The following CDH4 variants were observed in gnomAD, a reference collection of about 807,000 sequenced individuals.
The protein encoded by CDH4 is cadherin 4, also known as cadherin-4.
A neutral mutation model predicts 86.0 loss-of-function variants in CDH4; 33 were observed. That is an observed-to-expected ratio of 0.38 (90% CI 0.29 to 0.51). CDH4 has a LOEUF of 0.51. CDH4 is among the 20% of genes least tolerant of loss of function. CDH4 has a pLI of 0.86. For synonymous variants in CDH4, 555 were observed against 549.4 expected, an observed-to-expected ratio of 1.01 and a Z score of -0.14; for missense variants, 1,114 against 1,307.4, an observed-to-expected ratio of 0.85 and a Z score of 2.28.
chr20:61,931,427 C>T lies in CDH4; in HGVS notation c.2240-1558C>T, dbSNP rs118099918. Reference sequence around the variant, plus strand: ...CAGAGCTCCTCCCAAGCCTCCACTCCGCTTCGGAATCCTCCTCACGACATC... The same window carrying T: ...CAGAGCTCCTCCCAAGCCTCCACTCTGCTTCGGAATCCTCCTCACGACATC... On this transcript the variant is annotated intron_variant, in intron 13 of 15. Transcript: ENST00000614565. 6.7e-3 allele frequency among the ~76,000 whole-genome samples: 1,027 copies of T among 152,356 alleles called. 7 individuals are homozygous for T. The highest frequency in any genetic ancestry group is 0.017 in the Middle Eastern group (5 of 294).
At chr20:61,866,438 C>T (rs913064851) in intron 6 of CDH4, among the ~76,000 whole-genome samples, 4 of 152,170 alleles carry the variant, frequency 2.6e-5, no homozygotes, top group East Asian at 1.9e-4. Flanking sequence ...CCCCTCCCCC[C>T]GGAGGCCATG....
intron 4 of CDH4, among the ~76,000 whole-genome samples, chr20:61,805,486 C>T (rs1048592382): frequency 1.3e-5 from 2 of 152,202 alleles, no homozygotes; most frequent in Non-Finnish European, 2.9e-5. Context: ...ACAACCTTTC[C>T]GGGATCCAGA....
chr20:61,339,233 A>G (rs913567412), intron 2 of CDH4, among the ~76,000 whole-genome samples: 5 of 152,198 alleles, frequency 3.3e-5, no homozygotes, highest in Admixed American at 2.0e-4. Flanking sequence ...AACAGAGAGG[A>G]CACATAGACC....
At chr20:61,457,070 TG>T (rs2145553722) in intron 2 of CDH4, among the ~76,000 whole-genome samples, 1 of 152,290 alleles carries the variant, frequency 6.6e-6, no homozygotes, top group South Asian at 2.1e-4. Context: ...AGAGCAAACC[TG>T]TGTTTACAGC....
intron 2 of CDH4, among the ~76,000 whole-genome samples, chr20:61,702,663 A>G (rs2087789337): frequency 6.6e-6 from 1 of 152,216 alleles, no homozygotes; most frequent in African/African-American, 2.4e-5. Context: ...TATGCATCTT[A>G]AAATCACAAA....
intron 2 of CDH4, among the ~76,000 whole-genome samples, chr20:61,737,994 CG>C (rs1281375182): frequency 6.6e-6 from 1 of 152,190 alleles, no homozygotes; most frequent in Non-Finnish European, 1.5e-5. Flanking sequence ...GCGCATGCAG[CG>C]GGTGCTGGGA....
chr20:61,874,561 G>A lies in CDH4; in HGVS notation c.1050+661G>A, dbSNP rs982991816. On this transcript the variant is annotated intron_variant, in intron 7 of 15. Transcript: ENST00000614565. ...GAGGCCCTGGGCGGTGGGTGAGGTC[G>A]GGGGCCTGCCTCTGCTCTGAAGCTT... 1.2e-4 allele frequency among the ~76,000 whole-genome samples: 19 copies of A among 152,284 alleles called. 1 individual carries two copies. Among genetic ancestry groups the A allele is most frequent in the Admixed American group, 9.2e-4 (14 of 15,298 alleles).
At chr20:61,832,868 C>T (rs1981690772) in intron 4 of CDH4, among the ~76,000 whole-genome samples, 1 of 152,030 alleles carries the variant, frequency 6.6e-6, no homozygotes. Flanking sequence ...GGTTCTACGA[C>T]CTCTTATTTC....
chr20:61,681,350 G>A lies in CDH4; in HGVS notation c.170-62213G>A, dbSNP rs903318154. Among the ~76,000 whole-genome samples the A allele has an allele frequency of 1.3e-5, 2 of 152,140 alleles. No individual in the cohort carries two copies. The highest frequency in any genetic ancestry group is 4.8e-5 in the African/African-American group (2 of 41,422). On this transcript the variant is annotated intron_variant, in intron 2 of 15. Transcript: ENST00000614565. The surrounding 1 kb of genome is among the most constrained non-coding windows in gnomAD (Gnocchi z 4.5). The stretch of plus-strand genomic sequence containing the variant: ...CAAAATACTCTTTCTAAATTGTTAA[G>A]ATTTTCTGCCACGCATAAAAATGAG...
intron 2 of CDH4, among the ~76,000 whole-genome samples, chr20:61,677,741 G>A (rs895416435): frequency 1.4e-5 from 2 of 143,628 alleles, no homozygotes; most frequent in Non-Finnish European, 3.0e-5. Context: ...GTAGGCAGGT[G>A]GATGGGTGGA....
intron 2 of CDH4, among the ~76,000 whole-genome samples, chr20:61,264,319 C>T (rs1057263425): frequency 6.6e-6 from 1 of 152,124 alleles, no homozygotes; most frequent in Middle Eastern, 3.2e-3. Context: ...TTCATTCAAT[C>T]TTACACATAT....
At chr20:61,532,143 G>A (rs2085959683) in intron 2 of CDH4, among the ~76,000 whole-genome samples, 1 of 152,148 alleles carries the variant, frequency 6.6e-6, no homozygotes, top group Non-Finnish European at 1.5e-5. Context: ...ACTGTGTGAG[G>A]ACACACTGAT....
chr20:61,549,033 C>T (rs542313760), intron 2 of CDH4, among the ~76,000 whole-genome samples: 2 of 152,004 alleles, frequency 1.3e-5, no homozygotes, highest in African/African-American at 4.8e-5. Context: ...GAATGGGGCT[C>T]CACGGGGGCA....
At chr20:61,577,512 T>C (rs1301486982) in intron 2 of CDH4, among the ~76,000 whole-genome samples, 1 of 152,218 alleles carries the variant, frequency 6.6e-6, no homozygotes, top group Non-Finnish European at 1.5e-5. Context: ...GAAGGATGCA[T>C]GGATGTTTTT....
intron 2 of CDH4, among the ~76,000 whole-genome samples, chr20:61,729,320 C>T (rs990053224): frequency 3.9e-5 from 6 of 152,302 alleles, no homozygotes; most frequent in African/African-American, 1.4e-4. Flanking sequence ...GCTAATGAGG[C>T]GCTCACAGCT....
intron 2 of CDH4, among the ~76,000 whole-genome samples, chr20:61,633,468 C>T (rs943165705): frequency 1.2e-4 from 18 of 152,050 alleles, no homozygotes; most frequent in Non-Finnish European, 1.3e-4. Context: ...AGTTTATTCA[C>T]CCATTCATCC....
intron 6 of CDH4, among the ~76,000 whole-genome samples, chr20:61,864,620 C>T (rs999231770): frequency 6.1e-4 from 93 of 152,324 alleles, no homozygotes; most frequent in African/African-American, 2.0e-3. Flanking sequence ...TCAGAGGCAC[C>T]GCAGCTCCCT....
chr20:61,750,890 C>T (rs939080277), intron 3 of CDH4, among the ~76,000 whole-genome samples: 4 of 152,086 alleles, frequency 2.6e-5, no homozygotes, highest in East Asian at 1.9e-4. Flanking sequence ...GCATTAAAAA[C>T]GATCATATAA....
At chr20:61,362,315 G>A (rs1050655390) in intron 2 of CDH4, among the ~76,000 whole-genome samples, 7 of 151,870 alleles carry the variant, frequency 4.6e-5, no homozygotes, top group South Asian at 2.1e-4. Context: ...AGGGGAGAGC[G>A]GAGACGTGGC....
Sources: allele counts gnomAD v4.1 joint callset (sites outside exome capture counted in the v4.1 genomes callset), GRCh38; gene constraint gnomAD v4.1.1; non-coding constraint Gnocchi (gnomAD v3.1); transcripts MANE v1.5; gene names NCBI Gene and HGNC (gene_info 2026-07-23, HGNC 2026-07-21).